Variants in SEMA3D observed in about 807,000 individuals in gnomAD.
The protein encoded by SEMA3D is semaphorin-3D.
SEMA3D carries 84 observed loss-of-function variants against 100.1 expected under a neutral mutation model. The observed-to-expected ratio is 0.84, with a 90% CI of 0.70 to 1.01. SEMA3D has a LOEUF of 1.01. Ranked by LOEUF, SEMA3D falls within the 50% of genes least tolerant of loss-of-function variation. The probability of loss-of-function intolerance (pLI) is 0.00; values close to 1 mark genes in which losing one functional copy is unlikely to be tolerated. For synonymous variants in SEMA3D, 312 were observed against 320.7 expected (o/e 0.97, Z 0.29); for missense variants, 875 against 934.1 (o/e 0.94, Z 0.82).
At chr7:85,020,426 G>T in intron 13 of SEMA3D, 105 bp from the exon 14 acceptor site, 1 of 737,902 alleles carries the variant, frequency 1.4e-6, no homozygotes, top group Non-Finnish European at 2.3e-6. Flanking sequence ...CTCTTTAAAT[G>T]CCTTTCAAAA....
chr7:85,115,218 T>C (rs1247609736), intron 3 of SEMA3D, among the ~76,000 whole-genome samples: 2 of 152,170 alleles, frequency 1.3e-5, no homozygotes, highest in South Asian at 2.1e-4. Flanking sequence ...GCTAGCATCC[T>C]AGGCTGTAAG....
the SEMA3D span, among the ~76,000 whole-genome samples, chr7:85,233,599 T>C: frequency 2.3e-4 from 35 of 152,330 alleles, no homozygotes; most frequent in African/African-American, 7.9e-4. Context: ...AGTCTCCTTG[T>C]GGAACTCCTG....
At chr7:85,110,369 G>GT (rs1017631168) in intron 3 of SEMA3D, among the ~76,000 whole-genome samples, 18 of 151,944 alleles carry the variant, frequency 1.2e-4, no homozygotes, top group African/African-American at 4.3e-4. Flanking sequence ...CTGAACATCA[G>GT]TTTTTTAAAT....
the SEMA3D span, among the ~76,000 whole-genome samples, chr7:85,218,860 A>G: frequency 6.6e-6 from 1 of 152,136 alleles, no homozygotes; most frequent in Non-Finnish European, 1.5e-5. Context: ...GGGTATTCCC[A>G]GGTTCCAACT....
intron 4 of SEMA3D, among the ~76,000 whole-genome samples, chr7:85,097,587 T>C (rs139725146): frequency 9.8e-4 from 149 of 152,016 alleles, no homozygotes; most frequent in African/African-American, 3.3e-3. Flanking sequence ...GCTTTTATTA[T>C]ATTTATTCAC....
chr7:85,064,429 C>CT (rs1243067342), intron 8 of SEMA3D, among the ~76,000 whole-genome samples: 1 of 152,058 alleles, frequency 6.6e-6, no homozygotes, highest in African/African-American at 2.4e-5. Flanking sequence ...ATTAAGGGTA[C>CT]TTTTTTTGGC....
intron 2 of SEMA3D, among the ~76,000 whole-genome samples, chr7:85,152,525 G>T (rs564471457): frequency 6.6e-6 from 1 of 152,024 alleles, no homozygotes; most frequent in East Asian, 1.9e-4. Context: ...TATAGTAAAA[G>T]AAAAATGAGA....
At chr7:85,172,948 A>G (rs1791124369) in intron 1 of SEMA3D, among the ~76,000 whole-genome samples, 1 of 152,084 alleles carries the variant, frequency 6.6e-6, no homozygotes. Flanking sequence ...TAGTGAGAGC[A>G]TTTAACAAAA....
intron 16 of SEMA3D, among the ~76,000 whole-genome samples, chr7:85,014,417 C>T (rs941529703): frequency 6.6e-6 from 1 of 151,770 alleles, no homozygotes; most frequent in African/African-American, 2.4e-5. Context: ...CATTCTTGAA[C>T]ATATAACTTT....
chr7:85,241,574 G>A, the SEMA3D span, among the ~76,000 whole-genome samples: 2 of 149,512 alleles, frequency 1.3e-5, no homozygotes, highest in Non-Finnish European at 3.0e-5. Flanking sequence ...TTTAAGTGAA[G>A]AAACTCAGGA....
chr7:85,172,435 C>A (rs1376365573), intron 1 of SEMA3D, among the ~76,000 whole-genome samples: 3 of 151,854 alleles, frequency 2.0e-5, no homozygotes, highest in African/African-American at 7.3e-5. Context: ...GCTGAAGTGA[C>A]CTTTAAGTTC....
the SEMA3D span, among the ~76,000 whole-genome samples, chr7:85,219,909 T>A: frequency 6.6e-6 from 1 of 152,064 alleles, no homozygotes; most frequent in Non-Finnish European, 1.5e-5. Context: ...CCTATTTAAG[T>A]CACCTACAAC....
the SEMA3D span, among the ~76,000 whole-genome samples, chr7:85,226,025 CCAT>C: frequency 6.6e-6 from 1 of 152,106 alleles, no homozygotes; most frequent in African/African-American, 2.4e-5. Context: ...TTTCACTAAT[CCAT>C]CATTAAGCTA....
intron 1 of SEMA3D, among the ~76,000 whole-genome samples, chr7:85,184,484 T>C (rs1052766498): frequency 5.3e-5 from 8 of 152,098 alleles, no homozygotes; most frequent in African/African-American, 2.4e-5. Flanking sequence ...TAAATCTTTA[T>C]GTCTTTGTTT....
At chr7:85,236,336 C>T in the SEMA3D span, among the ~76,000 whole-genome samples, 1 of 148,628 alleles carries the variant, frequency 6.7e-6, no homozygotes, top group African/African-American at 2.5e-5. Flanking sequence ...GAGATGGGGT[C>T]TTGCTCTGTT....
chr7:85,164,020 C>A (rs1790822257), intron 1 of SEMA3D, among the ~76,000 whole-genome samples: 2 of 152,068 alleles, frequency 1.3e-5, no homozygotes, highest in African/African-American at 2.4e-5. Context: ...GAAATAAACT[C>A]TACACATCTT....
chr7:85,078,987 A>G (rs2116222104), intron 5 of SEMA3D, among the ~76,000 whole-genome samples: 1 of 152,316 alleles, frequency 6.6e-6, no homozygotes, highest in East Asian at 1.9e-4. Context: ...GATATTATAG[A>G]AAGAAATAAC....
intron 3 of SEMA3D, among the ~76,000 whole-genome samples, chr7:85,099,543 A>C (rs1175969929): frequency 6.6e-6 from 1 of 151,916 alleles, no homozygotes; most frequent in East Asian, 1.9e-4. Flanking sequence ...TTTGTTGAGT[A>C]AATATTATAC....
At chr7:85,165,089 T>C (rs958800211) in intron 1 of SEMA3D, among the ~76,000 whole-genome samples, 1 of 148,586 alleles carries the variant, frequency 6.7e-6, no homozygotes, top group Non-Finnish European at 1.5e-5. Context: ...AGTGAGAACA[T>C]GCAGTGTTTG....
Sources: gnomAD v4.1 joint callset for allele counts (sites outside exome capture counted in the v4.1 genomes callset) on GRCh38, gnomAD v4.1.1 for gene constraint, MANE v1.5 for transcripts, NCBI Gene and HGNC (gene_info 2026-07-23, HGNC 2026-07-21) for gene names.